The following KRT8 variants were observed in gnomAD, a reference collection of about 807,000 sequenced individuals.
The protein encoded by KRT8 is keratin 8, also known as keratin, type II cytoskeletal 8.
In KRT8, 24 loss-of-function variants were observed where a neutral mutation model predicts 43.0. The observed-to-expected ratio is 0.56, with a 90% confidence interval of 0.40 to 0.78. The LOEUF (loss-of-function observed/expected upper bound fraction) is 0.78, where lower values mean the gene tolerates loss of function less well. Ranked by LOEUF, KRT8 falls within the 30% of genes least tolerant of loss-of-function variation. The probability of loss-of-function intolerance (pLI) is 0.00; values close to 1 mark genes in which losing one functional copy is unlikely to be tolerated. For synonymous variants in KRT8, 214 were observed against 261.2 expected (o/e 0.82, Z 1.74); for missense variants, 492 against 638.4 (o/e 0.77, Z 2.47).
upstream of KRT8, among the ~76,000 whole-genome samples, chr12:52,905,734 CACACACACACAT>C (rs970722929): frequency 8.1e-4 from 51 of 63,044 alleles, 1 homozygote; most frequent in East Asian, 0.014. Context: ...CACACACACA[CACACACACACAT>C]ACACATACAC....
At chr12:52,906,691 G>T (rs1195565973), upstream of KRT8, 1 of 455,856 alleles carries the variant, frequency 2.2e-6, no homozygotes, top group African/African-American at 2.0e-5. Flanking sequence ...TGCAGGGTGT[G>T]ATGTGGGGAC....
At chr12:52,898,484 G>A (rs759347229) in exon 7 of KRT8, 42 of 1,613,756 alleles carry the variant, frequency 2.6e-5, no homozygotes, top group African/African-American at 4.0e-5. Flanking sequence ...GGTGGTCTTC[G>A]TATGAATACT....
intron 2 of KRT8, among the ~76,000 whole-genome samples, chr12:52,917,183 C>T (rs559945677): frequency 1.1e-3 from 165 of 151,648 alleles, no homozygotes; most frequent in Non-Finnish European, 1.9e-3. Flanking sequence ...TGAGGTCAGG[C>T]TTTCAAGACC....
In KRT8 at chr12:52,938,154, ATATATATATATATATATTT is replaced by A. The variant is rs1219691665; in HGVS notation, c.-47+11283_-47+11301del. ...TAGAAAGCTATATATATATATATAT[ATATATATATATATATATTT>A]TTTTTTTTTTTTATATATAAGGTCT... On this transcript the variant is annotated intron_variant, in intron 2 of 6. Coordinates refer to the KRT8 transcript ENST00000546826. 8.3e-3 allele frequency among the ~76,000 whole-genome samples: 286 copies of A among 34,350 alleles called. 10 individuals are homozygous for A. The highest frequency in any genetic ancestry group is 9.5e-3 in the Non-Finnish European group (188 of 19,814). The allele number at this position is 34,350 out of a possible 152,430, so 22.5% of individuals were successfully genotyped here.
At chr12:52,924,448 CAAA>C (rs67999410) in intron 2 of KRT8, among the ~76,000 whole-genome samples, 9 of 110,978 alleles carry the variant, frequency 8.1e-5, no homozygotes, top group African/African-American at 1.2e-4. Flanking sequence ...GACTCCGTCT[CAAA>C]AAAAAAAAAA....
intron 2 of KRT8, among the ~76,000 whole-genome samples, chr12:52,914,970 C>T (rs1774366036): frequency 1.3e-5 from 2 of 152,188 alleles, no homozygotes; most frequent in Admixed American, 6.5e-5. Flanking sequence ...CTGAACCAAT[C>T]CCTGTGGCCA....
At chr12:52,943,665 A>T (rs770143204) in intron 2 of KRT8, among the ~76,000 whole-genome samples, 17 of 152,188 alleles carry the variant, frequency 1.1e-4, no homozygotes, top group Non-Finnish European at 1.6e-4. Context: ...CCCTGCCAGG[A>T]AACAAGGAAG....
At chr12:52,909,299 G>A (rs906788993), upstream of KRT8, among the ~76,000 whole-genome samples, 1 of 152,186 alleles carries the variant, frequency 6.6e-6, no homozygotes, top group Admixed American at 6.5e-5. Flanking sequence ...GGCAATGCCC[G>A]AAAAGCACCC....
intron 2 of KRT8, among the ~76,000 whole-genome samples, chr12:52,942,184 A>G (rs1166261361): frequency 6.6e-6 from 1 of 152,174 alleles, no homozygotes; most frequent in African/African-American, 2.4e-5. Context: ...TTCTTCCAGG[A>G]GGAGGAGGCA....
At chr12:52,901,995 G>A (rs1203391514) in exon 2 of KRT8, 2 of 1,603,780 alleles carry the variant, frequency 1.2e-6, no homozygotes, top group South Asian at 2.2e-5. Flanking sequence ...TGTCCATGTT[G>A]CTTCGAGCCG....
intron 3 of KRT8, 62 bp from the exon 4 acceptor site, chr12:52,900,745 T>C: frequency 8.7e-7 from 1 of 1,149,208 alleles, no homozygotes; most frequent in Non-Finnish European, 1.3e-6. Context: ...ACCAAGGGGC[T>C]CCCAAGGTCC....
At chr12:52,918,035 G>GAA (rs1210040857) in intron 2 of KRT8, among the ~76,000 whole-genome samples, 39 of 48,584 alleles carry the variant, frequency 8.0e-4, no homozygotes, top group Middle Eastern at 0.014. Context: ...AAGAGGAGGA[G>GAA]GAGAAGAAGA....
chr12:52,922,685 T>C (rs554464623), intron 2 of KRT8, among the ~76,000 whole-genome samples: 25 of 152,066 alleles, frequency 1.6e-4, no homozygotes, highest in African/African-American at 4.8e-4. Context: ...AATAAATAAA[T>C]AAACAAACCT....
intron 2 of KRT8, among the ~76,000 whole-genome samples, chr12:52,942,702 T>C (rs1050833120): frequency 1.3e-5 from 2 of 152,142 alleles, no homozygotes; most frequent in African/African-American, 4.8e-5. Context: ...CATCCCTCAG[T>C]GAAGCCCACC....
At chr12:52,933,257 G>T (rs751574469) in intron 2 of KRT8, among the ~76,000 whole-genome samples, 1 of 151,922 alleles carries the variant, frequency 6.6e-6, no homozygotes, top group Non-Finnish European at 1.5e-5. Context: ...ACAAAATTAC[G>T]TTTCTATATA....
Position 52,904,811 on chromosome 12 carries a change from G to A in KRT8, c.171C>T (p.Ala57=), listed in dbSNP as rs977324946. 6 of 1,612,392 alleles carry A rather than the reference G, an allele frequency of 3.7e-6. No individual in the cohort carries two copies. The African/African-American group carries it at 5.3e-5, about 14-fold the overall frequency. ...CTGCGGTGATGCCTCCCATGCCGCT[G>A]GCCCCACCATAGCCGCCGCCCAGGC... The change falls in exon 1 of 8, where the codon GCC becomes GCT. Residue 57 remains alanine, a synonymous_variant. Coordinates refer to ENST00000692008, the Ensembl canonical transcript of KRT8.
intron 2 of KRT8, among the ~76,000 whole-genome samples, chr12:52,946,394 CAAAT>C (rs1942344316): frequency 6.6e-6 from 1 of 152,126 alleles, no homozygotes; most frequent in Non-Finnish European, 1.5e-5. Context: ...GGCTCCAGTA[CAAAT>C]AATTAGTATT....
intron 2 of KRT8, among the ~76,000 whole-genome samples, chr12:52,923,520 C>T (rs1221705639): frequency 1.3e-5 from 2 of 151,694 alleles, no homozygotes; most frequent in Non-Finnish European, 1.5e-5. Context: ...CCTGGGTTCA[C>T]GCCATTCTCC....
chr12:52,949,549 T>A (rs1213337755), exon 2 of KRT8: 3 of 1,613,684 alleles, frequency 1.9e-6, no homozygotes, highest in Admixed American at 1.7e-5. Context: ...GGTCAGAGAC[T>A]GGAGCCATTA....
Sources: allele counts gnomAD v4.1 joint callset (sites outside exome capture counted in the v4.1 genomes callset), GRCh38; gene constraint gnomAD v4.1.1; transcripts MANE v1.5; gene names NCBI Gene and HGNC (gene_info 2026-07-23, HGNC 2026-07-21).